BAZ1A: variants seen among roughly 807,000 people sequenced by gnomAD.
The protein encoded by BAZ1A is bromodomain adjacent to zinc finger domain protein 1A.
A neutral mutation model predicts 185.2 loss-of-function variants in BAZ1A; 50 were observed. The ratio of observed to expected loss-of-function variants is 0.27; its 90% CI spans 0.22 to 0.34. BAZ1A has a LOEUF of 0.34. Among genes scored for constraint, BAZ1A ranks in the 10% least tolerant of loss-of-function variants. The probability of loss-of-function intolerance (pLI) is 1.00; values close to 1 mark genes in which losing one functional copy is unlikely to be tolerated. For synonymous variants in BAZ1A, 571 were observed against 615.6 expected (o/e 0.93, Z 1.07); for missense variants, 1,356 against 1,839.9 (o/e 0.74, Z 4.81).
chr14:34,842,542 C>A (rs904007834), intron 3 of BAZ1A, among the ~76,000 whole-genome samples: 5 of 152,152 alleles, frequency 3.3e-5, no homozygotes, highest in Non-Finnish European at 5.9e-5. Context: ...AACAACATAA[C>A]CTGAATCATT....
chr14:34,844,774 C>G (rs931993197), intron 3 of BAZ1A, among the ~76,000 whole-genome samples: 1 of 34,900 alleles, frequency 2.9e-5, no homozygotes, highest in Admixed American at 3.8e-4. Context: ...CACACACACA[C>G]GCGCACACAC....
chr14:34,863,778 A>G (rs1245680964), intron 2 of BAZ1A, among the ~76,000 whole-genome samples: 1 of 152,236 alleles, frequency 6.6e-6, no homozygotes, highest in African/African-American at 2.4e-5. Flanking sequence ...CTATGGAGAA[A>G]GGAGGGGAGA....
chr14:34,759,404 C>CGATCTCCTGACCTCGT (rs1315245069), intron 24 of BAZ1A, among the ~76,000 whole-genome samples: 6 of 151,818 alleles, frequency 4.0e-5, no homozygotes, highest in Non-Finnish European at 8.8e-5. Flanking sequence ...AGGATGGTCT[C>CGATCTCCTGACCTCGT]GATCTCCTGA....
At chr14:34,859,892 T>C (rs1414307816) in intron 3 of BAZ1A, among the ~76,000 whole-genome samples, 1 of 152,138 alleles carries the variant, frequency 6.6e-6, no homozygotes, top group Non-Finnish European at 1.5e-5. Context: ...GAGTCTCTAG[T>C]CTCAAGTTCC....
chr14:34,843,980 C>A (rs576562008), intron 3 of BAZ1A, among the ~76,000 whole-genome samples: 2 of 150,838 alleles, frequency 1.3e-5, no homozygotes, highest in African/African-American at 2.4e-5. Context: ...CCGAGGCGGG[C>A]GGATCACGAG....
intron 24 of BAZ1A, 37 bp from the exon 25 acceptor site, chr14:34,758,883 AG>A (rs759794783): frequency 1.9e-6 from 3 of 1,604,842 alleles, no homozygotes; most frequent in Non-Finnish European, 2.6e-6. Context: ...GTGATAACAA[AG>A]CAAAATATTG....
rs756356200 is a variant in BAZ1A, at chr14:34,874,637, C to CG, written c.-34dup. ...CCGCCCGCGGGCTCGCCTGGACCCTCGGCCGCCCGCGCCGGCCCCGCTTCC... is the reference window on the plus strand; with the variant it reads ...CCGCCCGCGGGCTCGCCTGGACCCTCGGGCCGCCCGCGCCGGCCCCGCTTCC... On this transcript the variant is annotated 5_prime_UTR_variant, in exon 2 of 27. Coordinates refer to ENST00000360310, the MANE Select transcript of BAZ1A (RefSeq NM_013448.3). The surrounding 1 kb of genome is among the most constrained non-coding windows in gnomAD (Gnocchi z 4.7). The CG allele has an allele frequency of 1.0e-5, 16 of 1,544,022 alleles. No homozygotes were observed. The highest frequency in any genetic ancestry group is 1.4e-5 in the Non-Finnish European group (16 of 1,133,196).
chr14:34,797,666 C>T (rs1258813018), intron 9 of BAZ1A, among the ~76,000 whole-genome samples: 1 of 152,246 alleles, frequency 6.6e-6, no homozygotes, highest in East Asian at 1.9e-4. Flanking sequence ...CCTGCACCAC[C>T]TTCATGGCCT....
chr14:34,856,289 C>CTTTTTT (rs10707416), intron 3 of BAZ1A, among the ~76,000 whole-genome samples: 4 of 134,522 alleles, frequency 3.0e-5, no homozygotes, highest in Non-Finnish European at 3.1e-5. Flanking sequence ...TCAAGAGCAT[C>CTTTTTT]TTTTTTTTTT....
At chr14:34,828,948 G>C (rs566184222) in intron 3 of BAZ1A, among the ~76,000 whole-genome samples, 1 of 152,286 alleles carries the variant, frequency 6.6e-6, no homozygotes, top group South Asian at 2.1e-4. Flanking sequence ...AAGATAATCT[G>C]CATCTGTACC....
chr14:34,768,654 CA>C, intron 21 of BAZ1A: 1 of 373,010 alleles, frequency 2.7e-6, no homozygotes, highest in Non-Finnish European at 5.2e-6. Flanking sequence ...TTTAAAAAGA[CA>C]AAACATAAAT....
rs954034620 is a variant in BAZ1A, at chr14:34,875,310, C to G, written c.-231G>C. 7 of 455,910 alleles carry G rather than the reference C, an allele frequency of 1.5e-5. No homozygotes were observed. Among genetic ancestry groups the G allele is most frequent in the Non-Finnish European group, 2.6e-5 (6 of 226,772 alleles). 28.2% of individuals were successfully genotyped at this position (455,910 alleles called of 1,614,324 possible). A position where few individuals can be genotyped will look rare whatever the true frequency, so the allele number is the denominator to read the frequency against. ...GGGAATTGCGTCCCACCGCCACTTC[C>G]CCGCCTCTCGGAGCTCCTGGGAAGT... On this transcript the variant is annotated 5_prime_UTR_variant, in exon 1 of 27. Transcript: ENST00000360310.
intron 3 of BAZ1A, among the ~76,000 whole-genome samples, chr14:34,847,887 T>TCTCGCTCTGTCACCCAGGCTGCAGTGC (rs1469589465): frequency 2.0e-5 from 3 of 152,208 alleles, no homozygotes; most frequent in Non-Finnish European, 2.9e-5. Context: ...TGAGATAGTG[T>TCTCGCTCTGTCACCCAGGCTGCAGTGC]CTCGCTCTGT....
rs527545762 is a variant in BAZ1A, at chr14:34,859,985, G to C, written c.392+2059C>G. Among the ~76,000 whole-genome samples the C allele has an allele frequency of 5.9e-5, 9 of 152,194 alleles. No homozygotes were observed. In the East Asian group the frequency reaches 1.2e-3, roughly 20 times the overall value. Reference sequence around the variant, plus strand: ...ATGGGAACAAAGGACCTAAGGAGTGGATCTAATAACTGTAACCATTCTTAG... The same window carrying C: ...ATGGGAACAAAGGACCTAAGGAGTGCATCTAATAACTGTAACCATTCTTAG... On this transcript the variant is annotated intron_variant, in intron 3 of 26. Transcript: ENST00000360310.
Position 34,776,424 on chromosome 14 carries a change from T to C in BAZ1A, c.2328A>G (p.Glu776=). The C allele has an allele frequency of 1.2e-6, 2 of 1,614,084 alleles. No homozygotes were observed. Among genetic ancestry groups the C allele is most frequent in the East Asian group, 2.2e-5 (1 of 44,890 alleles). ...TREPLTADEE[E]ALKQEHQRKE... ...TTCGTTGGTGTTCCTGTTTTAATGC[T>C]TCTTCCTCATCAGCAGTAAGAGGCT... Residue 776 remains glutamate (E), a synonymous_variant, in exon 18 of 27, where the codon GAA becomes GAG. Transcript: ENST00000360310.
At chr14:34,814,449 T>C (rs758062239) in intron 4 of BAZ1A, among the ~76,000 whole-genome samples, 25 of 152,052 alleles carry the variant, frequency 1.6e-4, no homozygotes, top group African/African-American at 2.4e-5. Flanking sequence ...GATATTGGTA[T>C]ACAGTCTAGA....
chr14:34,864,145 T>A (rs953016715), intron 2 of BAZ1A, among the ~76,000 whole-genome samples: 39 of 152,132 alleles, frequency 2.6e-4, no homozygotes, highest in African/African-American at 8.9e-4. Context: ...TATTTTTTTT[T>A]ATGTATTTAC....
chr14:34,797,259 C>G (rs1881246072), intron 9 of BAZ1A, among the ~76,000 whole-genome samples: 1 of 152,018 alleles, frequency 6.6e-6, no homozygotes, highest in Admixed American at 6.6e-5. Context: ...ATAAACAAAT[C>G]AAAGTGTTAA....
intron 3 of BAZ1A, among the ~76,000 whole-genome samples, chr14:34,850,971 T>A (rs2042587233): frequency 6.6e-6 from 1 of 152,150 alleles, no homozygotes; most frequent in Admixed American, 6.5e-5. Context: ...AAATTAACCA[T>A]TTTGATATCT....
Sources: gnomAD v4.1 joint callset for allele counts (sites outside exome capture counted in the v4.1 genomes callset) on GRCh38, gnomAD v4.1.1 for gene constraint, Gnocchi (gnomAD v3.1) non-coding constraint, MANE v1.5 for transcripts, NCBI Gene and HGNC (gene_info 2026-07-23, HGNC 2026-07-21) for gene names.